The following OR9A2 variants were observed in gnomAD, a reference collection of about 807,000 sequenced individuals.
The protein encoded by OR9A2 is olfactory receptor family 9 subfamily A member 2.
A neutral mutation model predicts 18.7 loss-of-function variants in OR9A2; 14 were observed. That is an observed-to-expected ratio of 0.75 (90% CI 0.50 to 1.17). OR9A2 has a LOEUF of 1.17. OR9A2 is among the 50% of genes most tolerant of loss of function. The pLI, the probability that OR9A2 is intolerant of heterozygous loss-of-function variation, is 0.00. For synonymous variants in OR9A2, 142 were observed against 142.6 expected, an observed-to-expected ratio of 1.00 and a Z score of 0.03; for missense variants, 353 against 372.7, an observed-to-expected ratio of 0.95 and a Z score of 0.44.
At position 143,026,348 on chromosome 7, in the gene OR9A2, T is replaced by C. The variant is rs938787479; in HGVS notation, c.785A>G (p.Gln262Arg). 1.2e-6 allele frequency: 2 copies of C among 1,614,174 alleles called. No homozygotes were observed. The highest frequency in any genetic ancestry group is 2.2e-5 in the South Asian group (2 of 91,076). The stretch of plus-strand genomic sequence containing the variant: ...AACTATCTTATTGTACTCAACTCCC[T>C]GTGTTTGCTTGGGTTTCACGTAGAG... ...LFLYVKPKQT[Q>R]GVEYNKIVSL... Residue 262 changes from glutamine to arginine, a missense_variant, in exon 1 of 1, where the codon CAG becomes CGG. Gln to Arg is a conservative substitution (Grantham distance 43). Transcript: ENST00000350513.
rs1797846823 is a variant in OR9A2, at chr7:143,026,606, T to G, written c.527A>C (p.Asp176Ala). Residue 176 changes from aspartate to alanine, a missense_variant, in exon 1 of 1, where the codon GAC becomes GCC. Transcript: ENST00000350513. ...KSNSLDHFYC[D>A]RGQLLKLSCD... is the part of the protein sequence containing the mutation. ...GGACAGTTTGAGCAATTGCCCTCGG[T>G]CACAGTAAAAATGGTCTAATGAATT... 4 of 1,614,038 alleles carry G rather than the reference T, an allele frequency of 2.5e-6. No homozygotes were observed. Among genetic ancestry groups the G allele is most frequent in the Non-Finnish European group, 3.4e-6 (4 of 1,180,036 alleles).
In OR9A2 at chr7:143,027,079, C is replaced by T; in HGVS notation, c.54G>A (p.Gly18=). ...AAAGAATGTGGTGTAGTCCTTGGGA[C>T]CCAGGGAAGCCTAGAAGGTGGAATT... is the stretch of plus-strand genomic sequence containing the variant. The part of the protein sequence containing the change: ...ATEFHLLGFP[G]SQGLHHILFA... The change falls in exon 1 of 1, where the codon GGG becomes GGA. Residue 18 remains glycine (G), a synonymous_variant. Coordinates refer to ENST00000350513, the MANE Select transcript of OR9A2 (RefSeq NM_001001658.1). 1.2e-6 allele frequency: 2 copies of T among 1,612,186 alleles called. No individual in the cohort carries two copies. Among genetic ancestry groups the T allele is most frequent in the Non-Finnish European group, 1.7e-6 (2 of 1,179,028 alleles).
rs758015258 is a variant in OR9A2, at chr7:143,026,595, A to G, written c.538T>C (p.Leu180=). The change falls in exon 1 of 1, where the codon TTG becomes CTG. Residue 180 remains leucine (L), a synonymous_variant. Coordinates refer to ENST00000350513, the MANE Select transcript of OR9A2 (RefSeq NM_001001658.1). ...LDHFYCDRGQ[L]LKLSCDNTLL... ...GTGTTATCGCAGGACAGTTTGAGCA[A>G]TTGCCCTCGGTCACAGTAAAAATGG... is the stretch of plus-strand genomic sequence containing the variant. 1.2e-6 allele frequency: 2 copies of G among 1,614,140 alleles called. No individual in the cohort carries two copies. The highest frequency in any genetic ancestry group is 2.2e-5 in the East Asian group (1 of 44,904).
chr7:143,026,993 A>G lies in OR9A2; in HGVS notation c.140T>C (p.Ile47Thr), dbSNP rs375052315. The change falls in exon 1 of 1, where the codon ATT (isoleucine) becomes ACT (threonine). Residue 47 changes from isoleucine (I) to threonine (T), a missense_variant. By Grantham distance (89) the Ile-to-Thr change is moderately conservative. Transcript: ENST00000350513. ...CTGCAGACGTTTATCCACACAGACAATCACAATGATGACCGTGTTTCCCAT... is the reference window on the plus strand; with the variant it reads ...CTGCAGACGTTTATCCACACAGACAGTCACAATGATGACCGTGTTTCCCAT... The part of the protein sequence containing the change: ...TLMGNTVIIV[I>T]VCVDKRLQSP... 7 of 1,614,160 alleles carry G rather than the reference A, an allele frequency of 4.3e-6. No homozygotes were observed. The highest frequency in any genetic ancestry group is 5.1e-6 in the Non-Finnish European group (6 of 1,180,022).
chr7:143,026,886 C>T lies in OR9A2; in HGVS notation c.247G>A (p.Gly83Arg). 1 of 1,614,114 alleles carries T rather than the reference C, an allele frequency of 6.2e-7. No homozygotes were observed. Among genetic ancestry groups the T allele is most frequent in the Non-Finnish European group, 8.5e-7 (1 of 1,180,028 alleles). The change falls in exon 1 of 1, where the codon GGA becomes AGA. Residue 83 changes from glycine (G) to arginine (R), a missense_variant. By Grantham distance (125) the Gly-to-Arg change is moderately radical. Transcript: ENST00000350513. Reference sequence around the variant, plus strand: ...TGTCTGCATCCCAGGAAGAGCAATCCCCAAAGCATCATGGGGACAATTATG... The same window carrying T: ...TGTCTGCATCCCAGGAAGAGCAATCTCCAAAGCATCATGGGGACAATTATG... ...TTIIVPMMLW[G>R]LLFLGCRQYL...
At position 143,026,944 on chromosome 7, in the gene OR9A2, G is replaced by T. The variant is rs1034334610; in HGVS notation, c.189C>A (p.Ser63Arg). Residue 63 changes from serine to arginine, a missense_variant, in exon 1 of 1, where the codon AGC becomes AGA. Ser to Arg is a moderately radical substitution (Grantham distance 110). Transcript: ENST00000350513. ...RLQSPMYFFL[S>R]HLSTLEILVT... ...CCAGGATCTCCAGGGTAGAGAGGTG[G>T]CTGAGGAAGAAATACATGGGGGACT... The T allele has an allele frequency of 6.2e-7, 1 of 1,614,068 alleles. No homozygotes were observed. The highest frequency in any genetic ancestry group is 1.3e-5 in the African/African-American group (1 of 74,930).
Position 143,026,601 on chromosome 7 carries a change from CT to C in OR9A2, c.531del (p.Gln179AsnfsTer19). 1 of 1,614,150 alleles carries C rather than the reference CT, an allele frequency of 6.2e-7. No individual in the cohort carries two copies. Among genetic ancestry groups the C allele is most frequent in the South Asian group, 1.1e-5 (1 of 91,066 alleles). ...SNSLDHFYCDRGQLLKLSCDN... is the reference protein window; with the variant it reads ...SNSLDHFYCDXGQLLKLSCDN... ...TCGCAGGACAGTTTGAGCAATTGCC[CT>C]CGGTCACAGTAAAAATGGTCTAATG... On this transcript the variant is annotated frameshift_variant, in exon 1 of 1. Coordinates refer to ENST00000350513, the MANE Select transcript of OR9A2 (RefSeq NM_001001658.1). LOFTEE classifies it high-confidence loss of function.
In OR9A2 at chr7:143,026,590, G is replaced by C; in HGVS notation, c.543C>G (p.Leu181=). 6.2e-7 allele frequency: 1 copy of C among 1,614,200 alleles called. No individual in the cohort carries two copies. Among genetic ancestry groups the C allele is most frequent in the Non-Finnish European group, 8.5e-7 (1 of 1,180,040 alleles). Residue 181 remains leucine, a synonymous_variant, in exon 1 of 1, where the codon CTC becomes CTG. Coordinates refer to ENST00000350513, the MANE Select transcript of OR9A2 (RefSeq NM_001001658.1). ...GAAGAGTGTTATCGCAGGACAGTTTGAGCAATTGCCCTCGGTCACAGTAAA... is the reference window on the plus strand; with the variant it reads ...GAAGAGTGTTATCGCAGGACAGTTTCAGCAATTGCCCTCGGTCACAGTAAA... ...DHFYCDRGQL[L]KLSCDNTLLT...
At position 143,026,486 on chromosome 7, in the gene OR9A2, T is replaced by C; in HGVS notation, c.647A>G (p.Tyr216Cys). The C allele has an allele frequency of 6.2e-7, 1 of 1,614,084 alleles. No homozygotes were observed. The highest frequency in any genetic ancestry group is 1.1e-5 in the South Asian group (1 of 91,072). Residue 216 changes from tyrosine (Y) to cysteine (C), a missense_variant, in exon 1 of 1, where the codon TAC becomes TGC. Tyr to Cys is a radical substitution (Grantham distance 194). Transcript: ENST00000350513. The stretch of plus-strand genomic sequence containing the variant: ...GATCTTGAGGATGGTGGAGATAATG[T>C]AGGTGTAGGAGACAATCGTAGGGAT... ...SLIPTIVSYTYIISTILKIPS... is the reference protein window; with the variant it reads ...SLIPTIVSYTCIISTILKIPS...
rs781723601 is a variant in OR9A2 at position 143,026,610 on chromosome 7, A to G, written c.523T>C (p.Cys175Arg). ...AGTTTGAGCAATTGCCCTCGGTCAC[A>G]GTAAAAATGGTCTAATGAATTTGAT... Reference protein sequence around the residue: ...RKSNSLDHFYCDRGQLLKLSC... With the variant: ...RKSNSLDHFYRDRGQLLKLSC... The change falls in exon 1 of 1, where the codon TGT (cysteine) becomes CGT (arginine). Residue 175 changes from cysteine (C) to arginine (R), a missense_variant. Physicochemically the swap from Cys to Arg is radical, Grantham distance 180 (BLOSUM62 -3). Transcript: ENST00000350513. The G allele has an allele frequency of 6.2e-7, 1 of 1,614,264 alleles. No individual in the cohort carries two copies. Among genetic ancestry groups the G allele is most frequent in the Non-Finnish European group, 8.5e-7 (1 of 1,180,044 alleles).
chr7:143,026,649 A>G lies in OR9A2; in HGVS notation c.484T>C (p.Phe162Leu). 6.2e-7 allele frequency: 1 copy of G among 1,614,218 alleles called. No homozygotes were observed. Among genetic ancestry groups the G allele is most frequent in the Non-Finnish European group, 8.5e-7 (1 of 1,180,048 alleles). Residue 162 changes from phenylalanine (F) to leucine (L), a missense_variant, in exon 1 of 1, where the codon TTT becomes CTT. By Grantham distance (22) the Phe-to-Leu change is conservative. Transcript: ENST00000350513. ...AATGAATTTGATTTGCGGAAGGTAAACTGAAATGTGGCATAGATGGGCCAG... is the reference window on the plus strand; with the variant it reads ...AATGAATTTGATTTGCGGAAGGTAAGCTGAAATGTGGCATAGATGGGCCAG... ...EIWPIYATFQ[F>L]TFRKSNSLDH...
At position 143,027,057 on chromosome 7, in the gene OR9A2, G is replaced by A; in HGVS notation, c.76C>T (p.Leu26Phe). 1 of 1,614,038 alleles carries A rather than the reference G, an allele frequency of 6.2e-7. No individual in the cohort carries two copies. Among genetic ancestry groups the A allele is most frequent in the African/African-American group, 1.3e-5 (1 of 75,004 alleles). Residue 26 changes from leucine to phenylalanine, a missense_variant, in exon 1 of 1, where the codon CTT becomes TTT. Coordinates refer to ENST00000350513, the MANE Select transcript of OR9A2 (RefSeq NM_001001658.1). ...TAGAAGAAAAAGAATATAGCAAAAAGAATGTGGTGTAGTCCTTGGGACCCA... is the reference window on the plus strand; with the variant it reads ...TAGAAGAAAAAGAATATAGCAAAAAAAATGTGGTGTAGTCCTTGGGACCCA... ...FPGSQGLHHI[L>F]FAIFFFFYLV... is the part of the protein sequence containing the mutation.
In OR9A2 at chr7:143,026,741, A is replaced by G; in HGVS notation, c.392T>C (p.Ile131Thr). The stretch of plus-strand genomic sequence containing the variant: ...CCAAATACAGGTACTGCTGTTCATA[A>G]TGATGTTGTACCTCAAAGGGTTACA... ...AVCNPLRYNI[I>T]MNSSTCIWVV... Residue 131 changes from isoleucine to threonine, a missense_variant, in exon 1 of 1, where the codon ATT becomes ACT. Ile to Thr is a moderately conservative substitution (Grantham distance 89). Coordinates refer to ENST00000350513, the MANE Select transcript of OR9A2 (RefSeq NM_001001658.1). 6.2e-7 allele frequency: 1 copy of G among 1,614,204 alleles called. No individual in the cohort carries two copies. Among genetic ancestry groups the G allele is most frequent in the Admixed American group, 1.7e-5 (1 of 60,026 alleles).
Position 143,026,335 on chromosome 7 carries a change from G to A in OR9A2, c.798C>T (p.Tyr266=). 6.2e-7 allele frequency: 1 copy of A among 1,614,082 alleles called. No individual in the cohort carries two copies. The highest frequency in any genetic ancestry group is 1.1e-5 in the South Asian group (1 of 91,070). ...AAACCAACAGGGAAACTATCTTATT[G>A]TACTCAACTCCCTGTGTTTGCTTGG... is the stretch of plus-strand genomic sequence containing the variant. ...VKPKQTQGVE[Y]NKIVSLLVSV... Residue 266 remains tyrosine, a synonymous_variant, in exon 1 of 1, where the codon TAC becomes TAT. Transcript: ENST00000350513.
Position 143,026,328 on chromosome 7 carries a change from T to A in OR9A2, c.805A>T (p.Ile269Leu). 6.2e-7 allele frequency: 1 copy of A among 1,614,120 alleles called. No individual in the cohort carries two copies. The highest frequency in any genetic ancestry group is 1.1e-5 in the South Asian group (1 of 91,086). The stretch of plus-strand genomic sequence containing the variant: ...AACACAGAAACCAACAGGGAAACTA[T>A]CTTATTGTACTCAACTCCCTGTGTT... ...KQTQGVEYNKIVSLLVSVLTP... is the reference protein window; with the variant it reads ...KQTQGVEYNKLVSLLVSVLTP... The change falls in exon 1 of 1, where the codon ATA (isoleucine) becomes TTA (leucine). Residue 269 changes from isoleucine to leucine, a missense_variant. Physicochemically the swap from Ile to Leu is conservative, Grantham distance 5. Coordinates refer to ENST00000350513, the MANE Select transcript of OR9A2 (RefSeq NM_001001658.1).
Position 143,026,491 on chromosome 7 carries a change from G to A in OR9A2, c.642C>T (p.Tyr214=), listed in dbSNP as rs1261324564. ...TGAGGATGGTGGAGATAATGTAGGT[G>A]TAGGAGACAATCGTAGGGATCAAAG... ...IGSLIPTIVS[Y]TYIISTILKI... is the part of the protein sequence containing the mutation. Residue 214 remains tyrosine (Y), a synonymous_variant, in exon 1 of 1, where the codon TAC becomes TAT. Coordinates refer to ENST00000350513, the MANE Select transcript of OR9A2 (RefSeq NM_001001658.1). 9 of 1,614,038 alleles carry A rather than the reference G, an allele frequency of 5.6e-6. No individual in the cohort carries two copies. The highest frequency in any genetic ancestry group is 1.6e-4 in the Middle Eastern group (1 of 6,084).
Position 143,026,240 on chromosome 7 carries a change from C to T in OR9A2, c.893G>A (p.Arg298Gln), listed in dbSNP as rs116336425. 2.5e-3 allele frequency: 3,986 copies of T among 1,610,546 alleles called. 90 individuals are homozygous for T. The African/African-American group carries it at 0.046, about 18-fold the overall frequency. ...LRNDKVKEALRDGMKRCCQLL... is the reference protein window; with the variant it reads ...LRNDKVKEALQDGMKRCCQLL... ...TTGACAGCAGCGTTTCATCCCATCT[C>T]GGAGGGCCTCTTTGACTTTGTCATT... Residue 298 changes from arginine (R) to glutamine (Q), a missense_variant, in exon 1 of 1, where the codon CGA becomes CAA. Coordinates refer to ENST00000350513, the MANE Select transcript of OR9A2 (RefSeq NM_001001658.1).
rs574290249 is a variant in OR9A2, at chr7:143,026,261, T to A, written c.872A>T (p.Asp291Val). 6.2e-7 allele frequency: 1 copy of A among 1,612,620 alleles called. No individual in the cohort carries two copies. Among genetic ancestry groups the A allele is most frequent in the Non-Finnish European group, 8.5e-7 (1 of 1,179,522 alleles). The change falls in exon 1 of 1, where the codon GAC becomes GTC. Residue 291 changes from aspartate to valine, a missense_variant. Coordinates refer to ENST00000350513, the MANE Select transcript of OR9A2 (RefSeq NM_001001658.1). ...LNPFIFTLRNDKVKEALRDGM... is the reference protein window; with the variant it reads ...LNPFIFTLRNVKVKEALRDGM... ...ATCTCGGAGGGCCTCTTTGACTTTG[T>A]CATTCCGAAGAGTAAAGATGAAAGG...
Position 143,026,982 on chromosome 7 carries a change from C to T in OR9A2, c.151G>A (p.Asp51Asn). The change falls in exon 1 of 1, where the codon GAT becomes AAT. Residue 51 changes from aspartate to asparagine, a missense_variant. By Grantham distance (23) the Asp-to-Asn change is conservative. Transcript: ENST00000350513. Reference sequence around the variant, plus strand: ...TACATGGGGGACTGCAGACGTTTATCCACACAGACAATCACAATGATGACC... The same window carrying T: ...TACATGGGGGACTGCAGACGTTTATTCACACAGACAATCACAATGATGACC... ...NTVIIVIVCV[D>N]KRLQSPMYFF... is the part of the protein sequence containing the mutation. The T allele has an allele frequency of 6.2e-7, 1 of 1,614,128 alleles. No homozygotes were observed. The highest frequency in any genetic ancestry group is 2.2e-5 in the East Asian group (1 of 44,868).
Sources: allele counts gnomAD v4.1 joint callset, GRCh38; gene constraint gnomAD v4.1.1; transcripts MANE v1.5; gene names NCBI Gene and HGNC (gene_info 2026-07-23, HGNC 2026-07-21).